MYPN: variants seen among roughly 807,000 people sequenced by gnomAD.
The protein encoded by MYPN is sarcomeric protein myopalladin, 145 kDa (MYOP).
A neutral mutation model predicts 129.4 loss-of-function variants in MYPN; 63 were observed. The ratio of observed to expected loss-of-function variants is 0.49; its 90% CI spans 0.40 to 0.60. The LOEUF is 0.60. MYPN is among the 20% of genes least tolerant of loss of function. The pLI is 0.00. For synonymous variants in MYPN, 629 were observed against 600.9 expected, an observed-to-expected ratio of 1.05 and a Z score of -0.68; for missense variants, 1,596 against 1,635.4, an observed-to-expected ratio of 0.98 and a Z score of 0.42.
chr10:68,165,908 T>C, intron 9 of MYPN, 90 bp downstream of exon 9: 1 of 1,109,136 alleles, frequency 9.0e-7, no homozygotes, highest in South Asian at 1.2e-5. Flanking sequence ...CTGTTTTTCA[T>C]ACAAAGCTGG....
At position 68,119,569 on chromosome 10, in the gene MYPN, C is replaced by T. The variant is rs187292107; in HGVS notation, c.-1-1869C>T. Among the ~76,000 whole-genome samples the T allele has an allele frequency of 3.1e-3, 474 of 152,108 alleles. 5 individuals carry two copies. Among genetic ancestry groups the T allele is most frequent in the East Asian group, 0.01 (52 of 5,178 alleles). On this transcript the variant is annotated intron_variant, in intron 1 of 19. Transcript: ENST00000358913. ...GGAATTACAGGCGCCCACCACCACG[C>T]CCAGCTAATTTTTTGTATTTTTGGT... is the stretch of plus-strand genomic sequence containing the variant.
intron 10 of MYPN, among the ~76,000 whole-genome samples, chr10:68,167,180 T>A (rs1392052184): frequency 6.6e-6 from 1 of 152,248 alleles, no homozygotes; most frequent in Non-Finnish European, 1.5e-5. Flanking sequence ...CAAGCAATGT[T>A]GCACTTAAAC....
At chr10:68,090,635 C>G (rs546441598) in intron 1 of MYPN, among the ~76,000 whole-genome samples, 2 of 152,276 alleles carry the variant, frequency 1.3e-5, no homozygotes, top group South Asian at 2.1e-4. Flanking sequence ...AGATAACCTA[C>G]TTACTTTCTC....
intron 2 of MYPN, among the ~76,000 whole-genome samples, chr10:68,141,907 G>T (rs558539480): frequency 6.6e-6 from 1 of 152,310 alleles, no homozygotes; most frequent in African/African-American, 2.4e-5. Context: ...TCAGTACATA[G>T]TGATCATTCT....
chr10:68,102,122 C>CTTTTTTTT (rs35930233), upstream of MYPN, among the ~76,000 whole-genome samples: 1 of 108,414 alleles, frequency 9.2e-6, no homozygotes, highest in Non-Finnish European at 1.7e-5. Flanking sequence ...TTTCTCTCTC[C>CTTTTTTTT]TTTTTTTTTT....
At chr10:68,209,680 T>C (rs2043875528) in intron 19 of MYPN, among the ~76,000 whole-genome samples, 1 of 151,646 alleles carries the variant, frequency 6.6e-6, no homozygotes, top group African/African-American at 2.4e-5. Context: ...TCTTTTTTTT[T>C]TTTTTTTTGT....
rs764775347 is a variant in MYPN at position 68,145,501 on chromosome 10, G to A, written c.1105G>A (p.Asp369Asn). The change falls in exon 4 of 20, where the codon GAC (aspartate) becomes AAC (asparagine). Residue 369 changes from aspartate (D) to asparagine (N), a missense_variant. Asp to Asn is a conservative substitution (Grantham distance 23). Transcript: ENST00000358913. ...GGTTTCTTCTTCTGACTCAGAAGGC[G>A]ACCCTAACAAGGAAGAGATGAATCG... is the stretch of plus-strand genomic sequence containing the variant. ...EGVSSSDSEGDPNKEEMNRIQ... is the reference protein window; with the variant it reads ...EGVSSSDSEGNPNKEEMNRIQ... The A allele has an allele frequency of 2.2e-5, 35 of 1,613,372 alleles. No individual in the cohort carries two copies. Among genetic ancestry groups the A allele is most frequent in the South Asian group, 7.7e-5 (7 of 91,044 alleles).
chr10:68,205,516 CAAAAAAA>C (rs35907393), intron 18 of MYPN, among the ~76,000 whole-genome samples: 3 of 134,634 alleles, frequency 2.2e-5, no homozygotes, highest in Non-Finnish European at 4.7e-5. Context: ...CTATTTCTAC[CAAAAAAA>C]AAAAAAAAGA....
chr10:68,182,481 C>CATATATATA (rs2043351778), intron 12 of MYPN, among the ~76,000 whole-genome samples: 1 of 138,886 alleles, frequency 7.2e-6, no homozygotes, highest in African/African-American at 2.9e-5. Flanking sequence ...TACACACACA[C>CATATATATA]ACACACACAC....
chr10:68,091,939 G>C (rs969974739), intron 1 of MYPN, among the ~76,000 whole-genome samples: 4 of 151,742 alleles, frequency 2.6e-5, no homozygotes, highest in Non-Finnish European at 4.4e-5. Flanking sequence ...AATCCAGGTT[G>C]GGTTCTTTGG....
At chr10:68,182,485 C>A in intron 12 of MYPN, among the ~76,000 whole-genome samples, 1 of 140,264 alleles carries the variant, frequency 7.1e-6, no homozygotes, top group Non-Finnish European at 1.5e-5. Flanking sequence ...CACACACACA[C>A]ACACACACAC....
At chr10:68,122,411 A>G in intron 2 of MYPN, 71 bp downstream of exon 2, 1 of 1,519,252 alleles carries the variant, frequency 6.6e-7, no homozygotes, top group Admixed American at 1.7e-5. Flanking sequence ...AAGTATTATC[A>G]TTTAAGCACC....
chr10:68,148,161 C>T (rs2042701045), intron 4 of MYPN, among the ~76,000 whole-genome samples, 192 bp from the exon 5 acceptor site: 1 of 152,138 alleles, frequency 6.6e-6, no homozygotes, highest in South Asian at 2.1e-4. Context: ...GTGTCTTATG[C>T]ATTTTCGTGT....
rs1372690445 is a variant in MYPN, at chr10:68,148,365, A to G, written c.1143A>G (p.Pro381=). 7.4e-6 allele frequency: 12 copies of G among 1,613,692 alleles called. No individual in the cohort carries two copies. Among genetic ancestry groups the G allele is most frequent in the Non-Finnish European group, 1.0e-5 (12 of 1,179,572 alleles). The change falls in exon 5 of 20, where the codon CCA becomes CCG. Residue 381 remains proline (P), a synonymous_variant. Coordinates refer to ENST00000358913, the MANE Select transcript of MYPN (RefSeq NM_032578.4). The part of the protein sequence containing the change: ...NKEEMNRIQK[P]NEVSSPPTTS... ...AATAATTTCTCAGAATCCAGAAGCC[A>G]AATGAGGTGTCATCTCCTCCCACTA...
Position 68,210,994 on chromosome 10 carries a change from C to A in MYPN, c.*539C>A, listed in dbSNP as rs773608931. On this transcript the variant is annotated 3_prime_UTR_variant, in exon 20 of 20. Coordinates refer to ENST00000358913, the MANE Select transcript of MYPN (RefSeq NM_032578.4). ...GGTCATGCCATACAACTCACGTATG[C>A]GGGCAAACACTTTTGATTTGCATAT... is the stretch of plus-strand genomic sequence containing the variant. 2 of 454,116 alleles carry A rather than the reference C, an allele frequency of 4.4e-6. No homozygotes were observed. Among genetic ancestry groups the A allele is most frequent in the Non-Finnish European group, 8.8e-6 (2 of 226,798 alleles). 28.1% of individuals were successfully genotyped at this position (454,116 alleles called of 1,614,324 possible). A position where few individuals can be genotyped will look rare whatever the true frequency, so the allele number is the denominator to read the frequency against.
At chr10:68,169,451 G>A (rs2043111805) in intron 10 of MYPN, among the ~76,000 whole-genome samples, 1 of 151,932 alleles carries the variant, frequency 6.6e-6, no homozygotes, top group South Asian at 2.1e-4. Context: ...CAGTCCTCAG[G>A]TACGTCGGTT....
chr10:68,166,304 C>T lies in MYPN; in HGVS notation c.1611C>T (p.Asp537=), dbSNP rs931476648. 2 of 1,614,084 alleles carry T rather than the reference C, an allele frequency of 1.2e-6. No individual in the cohort carries two copies. The highest frequency in any genetic ancestry group is 1.7e-5 in the Admixed American group (1 of 60,016). The change falls in exon 10 of 20, where the codon GAC becomes GAT. Residue 537 remains aspartate (D), a synonymous_variant. Transcript: ENST00000358913. ...IAQLHVRGNE[D]LSNNGSLHSA... is the part of the protein sequence containing the mutation. Reference sequence around the variant, plus strand: ...TGATTGTCCTTTCAGGAAATGAGGACCTCAGCAACAACGGGTCTCTTCACT... The same window carrying T: ...TGATTGTCCTTTCAGGAAATGAGGATCTCAGCAACAACGGGTCTCTTCACT...
rs1026081928 is a variant in MYPN, at chr10:68,136,462, G to A, written c.903-6478G>A. 2.3e-5 allele frequency: 25 copies of A among 1,070,996 alleles called. No homozygotes were observed. The Admixed American group carries it at 9.0e-4, about 38-fold the overall frequency. 66.3% of individuals were successfully genotyped at this position (1,070,996 alleles called of 1,614,324 possible). On this transcript the variant is annotated intron_variant, in intron 2 of 19. Coordinates refer to ENST00000358913, the MANE Select transcript of MYPN (RefSeq NM_032578.4). ...ACATGGATGGAGGTTTGAGAGTATGGTTCCCCCTGACCCTCAAAAGTCTTC... is the reference window on the plus strand; with the variant it reads ...ACATGGATGGAGGTTTGAGAGTATGATTCCCCCTGACCCTCAAAAGTCTTC...
Position 68,121,497 on chromosome 10 carries a change from A to G in MYPN, c.59A>G (p.Tyr20Cys), listed in dbSNP as rs140148105. The part of the protein sequence containing the change: ...TSISQLLRES[Y>C]LAETRHRGNN... ...ATATCTCAGCTTCTAAGAGAGAGCT[A>G]TTTAGCTGAAACCAGACATCGGGGA... The change falls in exon 2 of 20, where the codon TAT becomes TGT. Residue 20 changes from tyrosine to cysteine, a missense_variant. Transcript: ENST00000358913. 2,659 of 1,614,190 alleles carry G rather than the reference A, an allele frequency of 1.6e-3. 1 individual carries two copies. The highest frequency in any genetic ancestry group is 2.0e-3 in the Non-Finnish European group (2,416 of 1,180,014).
Sources: allele counts gnomAD v4.1 joint callset (sites outside exome capture counted in the v4.1 genomes callset), GRCh38; gene constraint gnomAD v4.1.1; transcripts MANE v1.5; gene names NCBI Gene and HGNC (gene_info 2026-07-23, HGNC 2026-07-21).